CACNA1C: variants seen among roughly 807,000 people sequenced by gnomAD.
The protein encoded by CACNA1C is voltage-dependent L-type calcium channel subunit alpha-1C.
A neutral mutation model predicts 229.0 loss-of-function variants in CACNA1C; 30 were observed. The ratio of observed to expected loss-of-function variants is 0.13; its 90% CI spans 0.10 to 0.18. CACNA1C has a LOEUF of 0.18. Among genes scored for constraint, CACNA1C ranks in the 10% least tolerant of loss-of-function variants. The pLI, the probability that CACNA1C is intolerant of heterozygous loss-of-function variation, is 1.00. For missense variants in CACNA1C, 1,658 were observed against 2,845.0 expected, an observed-to-expected ratio of 0.58 and a Z score of 9.49; for synonymous variants, 1,114 against 1,132.5, an observed-to-expected ratio of 0.98 and a Z score of 0.33.
chr12:2,383,266 A>G (rs147360523), intron 3 of CACNA1C, among the ~76,000 whole-genome samples: 1 of 152,332 alleles, frequency 6.6e-6, no homozygotes, highest in East Asian at 1.9e-4. Flanking sequence ...AAGGCAAACA[A>G]GAGCAGTGGA....
intron 3 of CACNA1C, among the ~76,000 whole-genome samples, chr12:2,183,120 A>G (rs1425072848): frequency 5.3e-5 from 8 of 152,036 alleles, no homozygotes. Flanking sequence ...CAATCCTCCC[A>G]TCTCGGCCTC....
At chr12:2,234,890 C>A (rs150230457) in intron 3 of CACNA1C, among the ~76,000 whole-genome samples, 1 of 152,172 alleles carries the variant, frequency 6.6e-6, no homozygotes, top group South Asian at 2.1e-4. Flanking sequence ...ATAGAAGTGA[C>A]GAGCGATTCT....
At chr12:2,241,867 T>C (rs1244975919) in intron 3 of CACNA1C, among the ~76,000 whole-genome samples, 1 of 152,206 alleles carries the variant, frequency 6.6e-6, no homozygotes, top group Non-Finnish European at 1.5e-5. Context: ...CCGCAGTAAA[T>C]TTTTGAATGA....
chr12:2,549,824 C>A, intron 9 of CACNA1C, 119 bp from the exon 10 acceptor site: 2 of 721,540 alleles, frequency 2.8e-6, no homozygotes, highest in Non-Finnish European at 2.5e-6. Flanking sequence ...GCGTGCTCAG[C>A]CTCTCTTTCT....
intron 3 of CACNA1C, among the ~76,000 whole-genome samples, chr12:2,175,464 G>A (rs56322210): frequency 4.4e-4 from 67 of 152,138 alleles, no homozygotes; most frequent in Non-Finnish European, 5.0e-4. Context: ...CTGTGACCTC[G>A]GAGTTAGATT....
chr12:2,233,805 G>A (rs1027312683), intron 3 of CACNA1C, among the ~76,000 whole-genome samples: 9 of 152,148 alleles, frequency 5.9e-5, no homozygotes, highest in Admixed American at 2.0e-4. Flanking sequence ...GTATAGGGGA[G>A]GCATCCTCCT....
chr12:2,489,115 T>C (rs58843321), intron 6 of CACNA1C, among the ~76,000 whole-genome samples: 44,348 of 152,104 alleles, frequency 0.29, 6,726 homozygotes, highest in Middle Eastern at 0.42. Context: ...TTTCTTTCTT[T>C]CTTTCTTTTT....
At chr12:2,030,755 C>T (rs1359817325) in intron 1 of CACNA1C, among the ~76,000 whole-genome samples, 1 of 152,112 alleles carries the variant, frequency 6.6e-6, no homozygotes, top group Non-Finnish European at 1.5e-5. Context: ...CCTCTTGGGC[C>T]GTAAAGTTAG....
rs1048365078 is a variant in CACNA1C, at chr12:2,354,402, G to A, written c.478-94574G>A. Among the ~76,000 whole-genome samples, 1 of 152,170 alleles carries A rather than the reference G, an allele frequency of 6.6e-6. No homozygotes were observed. Among genetic ancestry groups the A allele is most frequent in the Non-Finnish European group, 1.5e-5 (1 of 68,040 alleles). On this transcript the variant is annotated intron_variant, in intron 3 of 46. Transcript: ENST00000399655. This position sits in a 1 kb window ranked among gnomAD's most constrained non-coding sequence, Gnocchi z 4.6. ...GTGATAAGCCAAATCTTTCTTTAGA[G>A]GAGCGAAAACACAGCTAGCCAGGGC...
At chr12:2,581,041 C>G (rs776818924) in intron 13 of CACNA1C, among the ~76,000 whole-genome samples, 1 of 152,232 alleles carries the variant, frequency 6.6e-6, no homozygotes, top group Non-Finnish European at 1.5e-5. Context: ...TGACCTAATT[C>G]CTGCCTCTGC....
intron 3 of CACNA1C, among the ~76,000 whole-genome samples, chr12:2,420,124 TG>T (rs2098962468): frequency 1.3e-5 from 2 of 150,294 alleles, no homozygotes; most frequent in South Asian, 2.1e-4. Flanking sequence ...TGTGTGTGTG[TG>T]TGTGTGTGTG....
At chr12:2,573,581 C>A (rs1249076129) in intron 13 of CACNA1C, among the ~76,000 whole-genome samples, 1 of 152,192 alleles carries the variant, frequency 6.6e-6, no homozygotes, top group Non-Finnish European at 1.5e-5. Flanking sequence ...TTCTAGAATT[C>A]TAGAATTCCA....
chr12:2,106,655 G>T (rs1323206510), intron 1 of CACNA1C, among the ~76,000 whole-genome samples: 6 of 65,862 alleles, frequency 9.1e-5, no homozygotes, highest in Admixed American at 1.4e-4. Context: ...CCCGGGGAGG[G>T]TTTCCACCTC....
rs2059580157 is a variant in CACNA1C, at chr12:2,067,220, G to A, written c.49+13609G>A. The stretch of plus-strand genomic sequence containing the variant: ...GTGGCCAGTGGGATGCAGGAGCCAG[G>A]ATGCATCGTTTTAGTGGGAGTCAGG... On this transcript the variant is annotated intron_variant, in intron 1 of 46. Coordinates refer to ENST00000399655, the MANE Select transcript of CACNA1C (RefSeq NM_000719.7). This position sits in a 1 kb window ranked among gnomAD's most constrained non-coding sequence, Gnocchi z 5.3. 6.6e-6 allele frequency among the ~76,000 whole-genome samples: 1 copy of A among 152,136 alleles called. No individual in the cohort carries two copies.
chr12:2,087,809 T>C (rs550028942), intron 1 of CACNA1C, among the ~76,000 whole-genome samples: 22 of 152,246 alleles, frequency 1.4e-4, no homozygotes, highest in African/African-American at 5.1e-4. Flanking sequence ...TTGAAAAAAA[T>C]AAAAAAGCTG....
intron 1 of CACNA1C, among the ~76,000 whole-genome samples, chr12:2,064,773 G>A (rs1236024773): frequency 2.0e-5 from 3 of 152,170 alleles, no homozygotes; most frequent in Non-Finnish European, 4.4e-5. Context: ...CCAGTCTTGG[G>A]ATAGGTATTT....
intron 1 of CACNA1C, among the ~76,000 whole-genome samples, chr12:1,981,584 T>A (rs2036146445): frequency 6.6e-6 from 1 of 152,218 alleles, no homozygotes; most frequent in South Asian, 2.1e-4. Context: ...TGTTTACATG[T>A]CTGTCTTTCG....
intron 3 of CACNA1C, among the ~76,000 whole-genome samples, chr12:2,409,946 G>GGAAGGGAGAT (rs2098787528): frequency 6.6e-6 from 1 of 152,222 alleles, no homozygotes; most frequent in Non-Finnish European, 1.5e-5. Context: ...GGAAGGGAGA[G>GGAAGGGAGAT]CACAAGGGAG....
At chr12:2,242,730 C>T (rs1399786422) in intron 3 of CACNA1C, among the ~76,000 whole-genome samples, 2 of 152,176 alleles carry the variant, frequency 1.3e-5, no homozygotes, top group Non-Finnish European at 2.9e-5. Flanking sequence ...GGGCCCTGGT[C>T]CCGGGTCTGC....
Sources: allele counts gnomAD v4.1 joint callset (sites outside exome capture counted in the v4.1 genomes callset), GRCh38; gene constraint gnomAD v4.1.1; non-coding constraint Gnocchi (gnomAD v3.1); transcripts MANE v1.5; gene names NCBI Gene and HGNC (gene_info 2026-07-23, HGNC 2026-07-21).